The following IL17B variants were observed in gnomAD, a reference collection of about 807,000 sequenced individuals.
IL17B encodes the protein interleukin-17B.
Under a neutral mutation model 14.7 loss-of-function variants are expected in IL17B, and 14 were observed. The observed-to-expected ratio is 0.95, with a 90% CI of 0.63 to 1.49. IL17B has a LOEUF of 1.49. Among genes scored for constraint, IL17B ranks in the 40% most tolerant of loss-of-function variants. IL17B has a pLI of 0.00. For synonymous variants in IL17B, 105 were observed against 94.8 expected (o/e 1.11, Z -0.62); for missense variants, 233 against 252.8 (o/e 0.92, Z 0.53).
At position 149,376,732 on chromosome 5, in the gene IL17B, C is replaced by A; in HGVS notation, c.311+4G>T. ...AGACAGCTTGCCACCACTGCCCAGC[C>A]TACCTGTAGCCCCAGGGAGACAGGC... On this transcript the variant is annotated splice_donor_region_variant and intron_variant, in intron 2 of 2. Coordinates refer to ENST00000261796, the MANE Select transcript of IL17B (RefSeq NM_014443.3). 2 of 1,598,800 alleles carry A rather than the reference C, an allele frequency of 1.3e-6. No homozygotes were observed. The highest frequency in any genetic ancestry group is 1.1e-5 in the South Asian group (1 of 88,158).
At chr5:149,395,385 T>A (rs1028486539) in intron 1 of IL17B, among the ~76,000 whole-genome samples, 2 of 152,354 alleles carry the variant, frequency 1.3e-5, no homozygotes, top group Admixed American at 1.3e-4. Flanking sequence ...AATTTTCCCA[T>A]CTTCTGTGCC....
rs575407742 is a variant in IL17B at position 149,374,757 on chromosome 5, A to G, written c.312-157T>C. ...AAGGCAGTAATCAACTCCATGTTCC[A>G]CGTGAGGAAACTGAAGATCATGGAA... On this transcript the variant is annotated intron_variant, in intron 2 of 2. Coordinates refer to ENST00000261796, the MANE Select transcript of IL17B (RefSeq NM_014443.3). The surrounding 1 kb of genome is among the most constrained non-coding windows in gnomAD (Gnocchi z 5.0). 7.6e-5 allele frequency: 45 copies of G among 592,932 alleles called. No individual in the cohort carries two copies. In the South Asian group the frequency reaches 1.0e-3, roughly 13 times the overall value. The allele number at this position is 592,932 out of a possible 1,614,324, so 36.7% of individuals were successfully genotyped here. A position where few individuals can be genotyped will look rare whatever the true frequency, so the allele number is the denominator to read the frequency against.
chr5:149,402,688 T>TAAAAAAAAAAAAAAAA (rs201335439), intron 1 of IL17B, among the ~76,000 whole-genome samples: 1 of 118,428 alleles, frequency 8.4e-6, no homozygotes, highest in Non-Finnish European at 1.8e-5. Context: ...TACCATGCTT[T>TAAAAAAAAAAAAAAAA]TAAAAAAAAA....
At chr5:149,379,316 C>G, upstream of IL17B, 2 of 1,499,544 alleles carry the variant, frequency 1.3e-6, no homozygotes, top group Non-Finnish European at 9.2e-7. Context: ...TGGAGCGAAG[C>G]AATTATAGCT....
chr5:149,382,845 G>A (rs150075580), upstream of IL17B, among the ~76,000 whole-genome samples: 1 of 152,368 alleles, frequency 6.6e-6, no homozygotes, highest in Non-Finnish European at 1.5e-5. Context: ...AGAGCTCCCA[G>A]GGTGCTCGTG....
rs1491235916 is a variant in IL17B at position 149,390,630 on chromosome 5, C to CACACACACACACACAG, written n.95+13477_95+13478insCTGTGTGTGTGTGTGT. Among the ~76,000 whole-genome samples the CACACACACACACACAG allele has an allele frequency of 5.1e-3, 673 of 131,970 alleles. 7 individuals are homozygous for CACACACACACACACAG. The highest frequency in any genetic ancestry group is 0.015 in the African/African-American group (501 of 34,500). The allele number at this position is 131,970 out of a possible 152,430, so 86.6% of individuals were successfully genotyped here. A position where few individuals can be genotyped will look rare whatever the true frequency, so the allele number is the denominator to read the frequency against. On this transcript the variant is annotated intron_variant and non_coding_transcript_variant, in intron 1 of 2. Transcript: ENST00000505432. ...ACACACACACACACACACACACACA[C>CACACACACACACACAG]AGAGATACACAAGGCCCTCCAAGTC...
chr5:149,389,698 A>G (rs1044185591), intron 1 of IL17B, among the ~76,000 whole-genome samples: 1 of 152,246 alleles, frequency 6.6e-6, no homozygotes, highest in African/African-American at 2.4e-5. Flanking sequence ...TGTAAAGTTA[A>G]GAGTCCTATA....
At chr5:149,384,201 C>A (rs1001717370), upstream of IL17B, among the ~76,000 whole-genome samples, 1 of 152,194 alleles carries the variant, frequency 6.6e-6, no homozygotes, top group Non-Finnish European at 1.5e-5. Context: ...AAGCCCTCCT[C>A]CTGTGGGGAA....
upstream of IL17B, among the ~76,000 whole-genome samples, chr5:149,382,833 C>T (rs1343869208): frequency 2.6e-5 from 4 of 152,174 alleles, no homozygotes; most frequent in East Asian, 1.9e-4. Flanking sequence ...CAAGGGGATC[C>T]GAGAGCTCCC....
intron 1 of IL17B, among the ~76,000 whole-genome samples, chr5:149,378,728 G>A (rs1418287326): frequency 4.6e-5 from 7 of 152,198 alleles, no homozygotes; most frequent in Non-Finnish European, 7.3e-5. Context: ...AGATTCTAGT[G>A]CAGAAAAAAT....
intron 1 of IL17B, among the ~76,000 whole-genome samples, chr5:149,390,931 C>A (rs1758937609): frequency 1.3e-5 from 2 of 151,488 alleles, no homozygotes; most frequent in African/African-American, 4.9e-5. Flanking sequence ...GGGTTGGGAC[C>A]CCTGGACCAG....
intron 1 of IL17B, among the ~76,000 whole-genome samples, chr5:149,398,728 T>G (rs1442171422): frequency 1.3e-5 from 2 of 152,068 alleles, no homozygotes; most frequent in Non-Finnish European, 2.9e-5. Context: ...CCAACATGGA[T>G]AAACCCCATC....
chr5:149,403,068 GT>G (rs1340403055), intron 1 of IL17B, among the ~76,000 whole-genome samples: 1 of 35,474 alleles, frequency 2.8e-5, no homozygotes, highest in Non-Finnish European at 6.5e-5. Context: ...GTTTTGTTCT[GT>G]TTTGTTTTGT....
chr5:149,389,891 G>A (rs1758902921), intron 1 of IL17B, among the ~76,000 whole-genome samples: 1 of 152,212 alleles, frequency 6.6e-6, no homozygotes, highest in African/African-American at 2.4e-5. Flanking sequence ...AAGGCTTGGA[G>A]TCAGCCTGCA....
At position 149,402,300 on chromosome 5, in the gene IL17B, G is replaced by C. The variant is rs549397003; in HGVS notation, n.95+1808C>G. On this transcript the variant is annotated intron_variant and non_coding_transcript_variant, in intron 1 of 2. Transcript: ENST00000505432. ...GGAAGACGGTGCTCCCCCTAGACCA[G>C]AGAAGGGCTCCAAGCCAACCACCCA... 1.4e-3 allele frequency among the ~76,000 whole-genome samples: 218 copies of C among 152,304 alleles called. 1 individual carries two copies. The highest frequency in any genetic ancestry group is 5.0e-3 in the African/African-American group (206 of 41,566).
chr5:149,377,271 A>G (rs558409223), intron 1 of IL17B, among the ~76,000 whole-genome samples: 2 of 152,238 alleles, frequency 1.3e-5, no homozygotes, highest in African/African-American at 4.8e-5. Context: ...GACTTTGCAC[A>G]GCCTCTGCCT....
At chr5:149,376,648 G>A in intron 2 of IL17B, 88 bp downstream of exon 2, 1 of 1,498,866 alleles carries the variant, frequency 6.7e-7, no homozygotes, top group Middle Eastern at 1.9e-4. Context: ...CCAGACCTCT[G>A]AATCTGAGAT....
At chr5:149,397,428 C>A (rs1759113961) in intron 1 of IL17B, among the ~76,000 whole-genome samples, 1 of 152,166 alleles carries the variant, frequency 6.6e-6, no homozygotes, top group African/African-American at 2.4e-5. Flanking sequence ...CTTGGCCTCC[C>A]AAAATGGTAG....
At chr5:149,376,325 C>T (rs986888214) in intron 2 of IL17B, among the ~76,000 whole-genome samples, 9 of 152,130 alleles carry the variant, frequency 5.9e-5, no homozygotes, top group African/African-American at 1.2e-4. Context: ...ATTCTGATGC[C>T]GGCACTGGGA....
Sources: allele counts gnomAD v4.1 joint callset (sites outside exome capture counted in the v4.1 genomes callset), GRCh38; gene constraint gnomAD v4.1.1; non-coding constraint Gnocchi (gnomAD v3.1); transcripts MANE v1.5; gene names NCBI Gene and HGNC (gene_info 2026-07-23, HGNC 2026-07-21).